The following ZC3H3 variants were observed in gnomAD, a reference collection of about 807,000 sequenced individuals.
ZC3H3 encodes the protein zinc finger CCCH-type containing 3, also known as zinc finger CCCH domain-containing protein 3.
A neutral mutation model predicts 77.3 loss-of-function variants in ZC3H3; 36 were observed. That is an observed-to-expected ratio of 0.47 (90% CI 0.36 to 0.61). The LOEUF (loss-of-function observed/expected upper bound fraction) is 0.61, where lower values mean the gene tolerates loss of function less well. Among genes scored for constraint, ZC3H3 ranks in the 20% least tolerant of loss-of-function variants. ZC3H3 has a pLI of 0.00. For missense variants in ZC3H3, 1,331 were observed against 1,312.2 expected (o/e 1.01, Z -0.22); for synonymous variants, 626 against 555.2 (o/e 1.13, Z -1.79).
chr8:143,471,700 A>G (rs940832233), intron 5 of ZC3H3, among the ~76,000 whole-genome samples: 7 of 152,056 alleles, frequency 4.6e-5, no homozygotes, highest in African/African-American at 1.7e-4. Flanking sequence ...GGTAGAAGCC[A>G]TACTGTCCTC....
Position 143,468,453 on chromosome 8 carries a change from G to A in ZC3H3, c.2034C>T (p.Arg678=), listed in dbSNP as rs1242706088. The A allele has an allele frequency of 5.0e-6, 8 of 1,610,480 alleles. No individual in the cohort carries two copies. Among genetic ancestry groups the A allele is most frequent in the Non-Finnish European group, 6.8e-6 (8 of 1,178,980 alleles). Residue 678 remains arginine (R), a synonymous_variant, in exon 7 of 12, where the codon CGC becomes CGT. Coordinates refer to ENST00000262577, the MANE Select transcript of ZC3H3 (RefSeq NM_015117.3). The stretch of plus-strand genomic sequence containing the variant: ...GCTCGCCACGGTTGCACCTGCCGAA[G>A]CGGTTGTAGTACATGCAGTACTCCT... The part of the protein sequence containing the change: ...KRKEYCMYYN[R]FGRCNRGERC...
intron 1 of ZC3H3, 25 bp from the exon 2 acceptor site, chr8:143,539,345 A>G: frequency 3.8e-6 from 6 of 1,572,028 alleles, no homozygotes; most frequent in Non-Finnish European, 5.2e-6. Context: ...CCACAGGCCC[A>G]GTTAGCCAGA....
intron 3 of ZC3H3, among the ~76,000 whole-genome samples, chr8:143,516,879 G>C (rs1822072721): frequency 6.6e-6 from 1 of 152,238 alleles, no homozygotes; most frequent in African/African-American, 2.4e-5. Flanking sequence ...AGGGCCATAA[G>C]TCACCCTAAG....
intron 3 of ZC3H3, among the ~76,000 whole-genome samples, chr8:143,515,689 G>A (rs765802945): frequency 3.9e-5 from 6 of 152,172 alleles, no homozygotes; most frequent in Non-Finnish European, 8.8e-5. Context: ...AGGGCACCTC[G>A]GCCCCTCAGC....
At chr8:143,510,206 G>A (rs1821829858) in intron 3 of ZC3H3, among the ~76,000 whole-genome samples, 1 of 152,206 alleles carries the variant, frequency 6.6e-6, no homozygotes, top group African/African-American at 2.4e-5. Flanking sequence ...CACTCAGGCT[G>A]GGCAGGTATA....
At chr8:143,517,011 T>C (rs1041901677) in intron 3 of ZC3H3, among the ~76,000 whole-genome samples, 2 of 152,116 alleles carry the variant, frequency 1.3e-5, no homozygotes, top group African/African-American at 4.8e-5. Context: ...CTACCTGGTG[T>C]TTAATGACAA....
At chr8:143,446,315 T>C (rs996259468) in intron 9 of ZC3H3, among the ~76,000 whole-genome samples, 1 of 152,200 alleles carries the variant, frequency 6.6e-6, no homozygotes, top group Admixed American at 6.5e-5. Context: ...TATAAAACTA[T>C]GTCCGTTAAA....
intron 3 of ZC3H3, among the ~76,000 whole-genome samples, chr8:143,523,762 A>C (rs892723033): frequency 2.6e-5 from 4 of 152,144 alleles, no homozygotes; most frequent in African/African-American, 9.7e-5. Flanking sequence ...AATCAGCAAG[A>C]GAAGAGCTGC....
chr8:143,464,988 C>G (rs117239240), intron 9 of ZC3H3, among the ~76,000 whole-genome samples: 3,093 of 152,156 alleles, frequency 0.02, 52 homozygotes, highest in Non-Finnish European at 0.031. Context: ...CTGCTTGTGG[C>G]GGGGAGTCCT....
At chr8:143,523,826 G>A (rs762907257) in intron 3 of ZC3H3, among the ~76,000 whole-genome samples, 1 of 152,222 alleles carries the variant, frequency 6.6e-6, no homozygotes, top group African/African-American at 2.4e-5. Flanking sequence ...GCAGCACAAC[G>A]CTCCAGGGCC....
At chr8:143,486,288 T>C (rs915926125) in intron 4 of ZC3H3, among the ~76,000 whole-genome samples, 1 of 152,204 alleles carries the variant, frequency 6.6e-6, no homozygotes, top group Non-Finnish European at 1.5e-5. Context: ...GCTGCTGCCA[T>C]GGAATGCTCT....
intron 9 of ZC3H3, among the ~76,000 whole-genome samples, chr8:143,461,564 G>A (rs529913668): frequency 7.2e-5 from 11 of 152,226 alleles, no homozygotes; most frequent in East Asian, 5.8e-4. Flanking sequence ...GCGGACATTC[G>A]AGGCAGTATT....
intron 4 of ZC3H3, among the ~76,000 whole-genome samples, chr8:143,485,724 C>T (rs1374725693): frequency 1.3e-5 from 2 of 152,194 alleles, no homozygotes; most frequent in South Asian, 2.1e-4. Flanking sequence ...ACGTGTGGGG[C>T]GGAAAACATC....
chr8:143,491,760 C>T (rs1478025553), intron 4 of ZC3H3, among the ~76,000 whole-genome samples: 2 of 152,250 alleles, frequency 1.3e-5, no homozygotes, highest in Non-Finnish European at 2.9e-5. Context: ...GAGGCAGAGG[C>T]CGTGCAGGGC....
At chr8:143,468,711 C>T in intron 5 of ZC3H3, 52 bp from the exon 6 acceptor site, 2 of 1,521,770 alleles carry the variant, frequency 1.3e-6, no homozygotes, top group African/African-American at 2.8e-5. Context: ...GGCCCGCACG[C>T]CCTTTCCCTG....
intron 2 of ZC3H3, 43 bp from the exon 3 acceptor site, chr8:143,536,496 G>C: frequency 1.4e-6 from 2 of 1,449,296 alleles, no homozygotes; most frequent in Non-Finnish European, 1.8e-6. Flanking sequence ...AGCCCTGGGG[G>C]TTCTGCCCAC....
At chr8:143,475,688 C>T in intron 4 of ZC3H3, 103 bp from the exon 5 acceptor site, 1 of 1,338,594 alleles carries the variant, frequency 7.5e-7, no homozygotes, top group South Asian at 1.5e-5. Context: ...CCAAGGGGGA[C>T]AGGGAGCAGC....
At chr8:143,518,424 CAAGA>C (rs1333737145) in intron 3 of ZC3H3, among the ~76,000 whole-genome samples, 2 of 152,238 alleles carry the variant, frequency 1.3e-5, no homozygotes, top group Non-Finnish European at 2.9e-5. Context: ...GAGCATAGCC[CAAGA>C]AAGACTCTTT....
chr8:143,441,151 C>T, intron 9 of ZC3H3, 31 bp from the exon 10 acceptor site: 2 of 1,381,188 alleles, frequency 1.4e-6, no homozygotes, highest in Non-Finnish European at 1.9e-6. Context: ...GGTGGGTGGG[C>T]CGGCTGGAGG....
Sources: allele counts gnomAD v4.1 joint callset (sites outside exome capture counted in the v4.1 genomes callset), GRCh38; gene constraint gnomAD v4.1.1; transcripts MANE v1.5; gene names NCBI Gene and HGNC (gene_info 2026-07-23, HGNC 2026-07-21).